Variants in PRKN observed in about 807,000 individuals in gnomAD.
PRKN encodes E3 ubiquitin-protein ligase parkin.
Under a neutral mutation model 59.5 loss-of-function variants are expected in PRKN, and 56 were observed. The observed-to-expected ratio is 0.94, with a 90% CI of 0.76 to 1.18. The LOEUF (loss-of-function observed/expected upper bound fraction) is 1.18, where lower values mean the gene tolerates loss of function less well. Ranked by LOEUF, PRKN falls within the 50% of genes most tolerant of loss-of-function variation. The probability of loss-of-function intolerance (pLI) is 0.00; values close to 1 mark genes in which losing one functional copy is unlikely to be tolerated. For synonymous variants in PRKN, 250 were observed against 222.1 expected, an observed-to-expected ratio of 1.13 and a Z score of -1.12; for missense variants, 657 against 596.4, an observed-to-expected ratio of 1.10 and a Z score of -1.06.
intron 7 of PRKN, among the ~76,000 whole-genome samples, chr6:161,772,544 C>T (rs1789740463): frequency 6.6e-6 from 1 of 152,172 alleles, no homozygotes; most frequent in Admixed American, 6.5e-5. Context: ...TTGGATACAA[C>T]ACTGACAGAT....
chr6:162,612,626 A>C (rs1782243806), intron 1 of PRKN, among the ~76,000 whole-genome samples: 1 of 151,914 alleles, frequency 6.6e-6, no homozygotes. Flanking sequence ...AAACAGCAAA[A>C]AACAAAACCA....
chr6:162,118,728 T>C (rs1780780787), intron 4 of PRKN, among the ~76,000 whole-genome samples: 1 of 152,204 alleles, frequency 6.6e-6, no homozygotes, highest in Non-Finnish European at 1.5e-5. Flanking sequence ...AGGTAACCAG[T>C]GCATTACAAA....
chr6:161,611,190 A>T (rs1000259792), intron 7 of PRKN, among the ~76,000 whole-genome samples: 7 of 152,214 alleles, frequency 4.6e-5, no homozygotes, highest in African/African-American at 1.7e-4. Flanking sequence ...AAAGATGATC[A>T]ATGGAACCAC....
Position 161,934,399 on chromosome 6 carries a change from T to C in PRKN, c.734+38903A>G, listed in dbSNP as rs150517237. On this transcript the variant is annotated intron_variant, in intron 6 of 11. Transcript: ENST00000366898. ...TGCCTACATATATCTAAAAAGAAAC[T>C]ACAAAGATACATCAACATCAAAATT... Among the ~76,000 whole-genome samples, 17 of 152,296 alleles carry C rather than the reference T, an allele frequency of 1.1e-4. 1 individual carries two copies. The South Asian group carries it at 1.9e-3, about 17-fold the overall frequency.
At chr6:161,453,769 C>A (rs980993462) in intron 9 of PRKN, among the ~76,000 whole-genome samples, 3 of 135,384 alleles carry the variant, frequency 2.2e-5, no homozygotes, top group Non-Finnish European at 3.1e-5. Context: ...CTTTCCTCCT[C>A]CCCTCCCCTC....
intron 2 of PRKN, among the ~76,000 whole-genome samples, chr6:162,360,596 A>C (rs1165637445): frequency 6.6e-6 from 1 of 152,200 alleles, no homozygotes; most frequent in Non-Finnish European, 1.5e-5. Flanking sequence ...TAAAAAACAA[A>C]CAAAAAAACC....
chr6:161,674,887 A>C (rs1785033587), intron 7 of PRKN, among the ~76,000 whole-genome samples: 1 of 152,212 alleles, frequency 6.6e-6, no homozygotes, highest in Non-Finnish European at 1.5e-5. Context: ...ATGAAGAGTC[A>C]AGGGTAGGAA....
chr6:161,872,634 A>G (rs1191574070), intron 6 of PRKN, among the ~76,000 whole-genome samples: 3 of 152,036 alleles, frequency 2.0e-5, no homozygotes, highest in Non-Finnish European at 4.4e-5. Context: ...ATGGTCCCTC[A>G]TATTAAAGCC....
At chr6:162,167,460 G>C (rs1379285772) in intron 4 of PRKN, among the ~76,000 whole-genome samples, 1 of 152,092 alleles carries the variant, frequency 6.6e-6, no homozygotes, top group Non-Finnish European at 1.5e-5. Flanking sequence ...TTATTGCCTG[G>C]CAAACACTAA....
At chr6:162,036,047 G>A (rs535753864) in intron 5 of PRKN, among the ~76,000 whole-genome samples, 2 of 152,162 alleles carry the variant, frequency 1.3e-5, no homozygotes, top group East Asian at 3.9e-4. Context: ...CAATACGGCC[G>A]GGCGCGGTGG....
At chr6:162,596,965 T>C (rs1052857819) in intron 1 of PRKN, among the ~76,000 whole-genome samples, 6 of 152,076 alleles carry the variant, frequency 3.9e-5, no homozygotes, top group Non-Finnish European at 7.4e-5. Context: ...TAGTTCCGGG[T>C]TTCAGACACA....
chr6:162,507,933 C>T (rs1363040649), intron 1 of PRKN, among the ~76,000 whole-genome samples: 5 of 152,280 alleles, frequency 3.3e-5, no homozygotes, highest in African/African-American at 1.2e-4. Flanking sequence ...GGCAGAGTCC[C>T]AGGCAGGATG....
At chr6:162,202,341 G>A (rs903492185) in intron 3 of PRKN, among the ~76,000 whole-genome samples, 16 of 152,020 alleles carry the variant, frequency 1.1e-4, no homozygotes, top group Non-Finnish European at 1.8e-4. Flanking sequence ...TACAAAAAGA[G>A]CTTTTGCAGA....
intron 2 of PRKN, among the ~76,000 whole-genome samples, chr6:162,318,780 C>T (rs1456766612): frequency 6.6e-6 from 1 of 151,878 alleles, no homozygotes. Flanking sequence ...TCAATCCAGG[C>T]AGGCCAAAGA....
intron 4 of PRKN, among the ~76,000 whole-genome samples, chr6:162,185,161 G>A (rs1783974005): frequency 2.6e-5 from 4 of 152,054 alleles, no homozygotes; most frequent in Admixed American, 1.3e-4. Context: ...GTATTCCACA[G>A]CACATTTTCC....
intron 1 of PRKN, chr6:162,568,450 G>T: frequency 3.2e-6 from 2 of 620,448 alleles, no homozygotes; most frequent in East Asian, 3.0e-5. Context: ...TCCGGGGGTG[G>T]CCTGGGTGGA....
intron 7 of PRKN, among the ~76,000 whole-genome samples, chr6:161,774,480 G>T (rs990012384): frequency 6.6e-6 from 1 of 151,708 alleles, no homozygotes; most frequent in East Asian, 1.9e-4. Context: ...TACAAGGAAC[G>T]TGGAAATAAG....
chr6:161,375,793 G>A (rs1471352396), intron 10 of PRKN, among the ~76,000 whole-genome samples: 1 of 152,178 alleles, frequency 6.6e-6, no homozygotes, highest in East Asian at 1.9e-4. Flanking sequence ...CACTGACTCA[G>A]CTTTTCACAG....
chr6:162,427,631 C>T (rs1257331669), intron 2 of PRKN, among the ~76,000 whole-genome samples: 1 of 151,196 alleles, frequency 6.6e-6, no homozygotes, highest in Non-Finnish European at 1.5e-5. Context: ...TACTTATAGG[C>T]TGGTAAATAA....
Sources: allele counts gnomAD v4.1 joint callset (sites outside exome capture counted in the v4.1 genomes callset), GRCh38; gene constraint gnomAD v4.1.1; transcripts MANE v1.5; gene names NCBI Gene and HGNC (gene_info 2026-07-23, HGNC 2026-07-21).